ASAP2: variants seen among roughly 807,000 people sequenced by gnomAD.
ASAP2 encodes the protein ArfGAP with SH3 domain, ankyrin repeat and PH domain 2, also known as arf-GAP with SH3 domain, ANK repeat and PH domain-containing protein 2.
Under a neutral mutation model 131.4 loss-of-function variants are expected in ASAP2, and 45 were observed. That is an observed-to-expected ratio of 0.34 (90% CI 0.27 to 0.44). The LOEUF (loss-of-function observed/expected upper bound fraction) is 0.44, where lower values mean the gene tolerates loss of function less well. ASAP2 is among the 20% of genes least tolerant of loss of function. ASAP2 has a pLI of 1.00. For missense variants in ASAP2, 1,011 were observed against 1,297.0 expected, an observed-to-expected ratio of 0.78 and a Z score of 3.39; for synonymous variants, 510 against 503.0, an observed-to-expected ratio of 1.01 and a Z score of -0.19.
intron 2 of ASAP2, among the ~76,000 whole-genome samples, chr2:9,291,274 C>A (rs1667788307): frequency 6.6e-6 from 1 of 152,148 alleles, no homozygotes. Context: ...AAGAATGATA[C>A]ACATTAGTAA....
At chr2:9,246,035 T>A (rs1664313321) in intron 1 of ASAP2, among the ~76,000 whole-genome samples, 1 of 152,176 alleles carries the variant, frequency 6.6e-6, no homozygotes, top group Admixed American at 6.5e-5. Context: ...GAGGGTGGTG[T>A]GACCCCGTTG....
At chr2:9,273,837 C>T (rs1397060348) in intron 1 of ASAP2, among the ~76,000 whole-genome samples, 1 of 152,184 alleles carries the variant, frequency 6.6e-6, no homozygotes, top group Non-Finnish European at 1.5e-5. Flanking sequence ...GTTATGCAGC[C>T]TCCAGCTGCA....
chr2:9,381,915 A>G (rs1239303457), intron 20 of ASAP2, among the ~76,000 whole-genome samples: 2 of 151,902 alleles, frequency 1.3e-5, no homozygotes, highest in Non-Finnish European at 2.9e-5. Flanking sequence ...AATAAATGCT[A>G]TACAAGTGTA....
At chr2:9,324,921 AC>A (rs1670385391) in intron 6 of ASAP2, among the ~76,000 whole-genome samples, 1 of 152,182 alleles carries the variant, frequency 6.6e-6, no homozygotes, top group South Asian at 2.1e-4. Context: ...GTTGAATGTT[AC>A]TATTGATATG....
chr2:9,308,941 C>T (rs1416589279), intron 3 of ASAP2, among the ~76,000 whole-genome samples: 3 of 152,176 alleles, frequency 2.0e-5, no homozygotes, highest in Admixed American at 1.3e-4. Flanking sequence ...CCTGGATACC[C>T]GTTCTTTCAG....
At chr2:9,289,988 C>CTGG (rs1667710217) in intron 2 of ASAP2, among the ~76,000 whole-genome samples, 1 of 129,652 alleles carries the variant, frequency 7.7e-6, no homozygotes, top group African/African-American at 2.9e-5. Flanking sequence ...CAGGAAGAAG[C>CTGG]CGGTGAGAGG....
At chr2:9,333,172 A>G (rs1670954017) in intron 7 of ASAP2, among the ~76,000 whole-genome samples, 1 of 152,234 alleles carries the variant, frequency 6.6e-6, no homozygotes. Context: ...TGAAACCCAG[A>G]TCACTTTTTA....
At chr2:9,328,954 AGTTTTTT>A (rs1330611278) in intron 7 of ASAP2, among the ~76,000 whole-genome samples, 3 of 152,216 alleles carry the variant, frequency 2.0e-5, no homozygotes, top group Non-Finnish European at 4.4e-5. Context: ...TTTAGGGTAG[AGTTTTTT>A]GTTTTTTGTT....
chr2:9,318,561 A>G lies in ASAP2; in HGVS notation c.383A>G (p.Asp128Gly). The G allele has an allele frequency of 6.2e-7, 1 of 1,613,444 alleles. No individual in the cohort carries two copies. Among genetic ancestry groups the G allele is most frequent in the Non-Finnish European group, 8.5e-7 (1 of 1,179,714 alleles). Residue 128 changes from aspartate (D) to glycine (G), a missense_variant, in exon 4 of 28, where the codon GAC becomes GGC. Physicochemically the swap from Asp to Gly is moderately conservative, Grantham distance 94. Transcript: ENST00000281419. Reference protein sequence around the residue: ...NMNNIISFPLDSLLKGDLKGV... With the variant: ...NMNNIISFPLGSLLKGDLKGV... Reference sequence around the variant, plus strand: ...AACAACATAATCTCCTTCCCTTTGGACAGTTTGCTGAAGGGGGACCTGAAA... The same window carrying G: ...AACAACATAATCTCCTTCCCTTTGGGCAGTTTGCTGAAGGGGGACCTGAAA...
intron 24 of ASAP2, among the ~76,000 whole-genome samples, chr2:9,397,868 C>T (rs1364304875): frequency 3.4e-5 from 5 of 146,848 alleles, no homozygotes; most frequent in African/African-American, 1.3e-4. Flanking sequence ...ACGCCATTCT[C>T]CTGCCTCAGC....
chr2:9,355,908 G>T, intron 12 of ASAP2, 139 bp from the exon 13 acceptor site: 1 of 1,005,858 alleles, frequency 9.9e-7, no homozygotes. Flanking sequence ...ATATGAGGGA[G>T]TGCCTGATTT....
chr2:9,240,629 A>G (rs898166140), intron 1 of ASAP2, among the ~76,000 whole-genome samples: 2 of 152,288 alleles, frequency 1.3e-5, no homozygotes, highest in African/African-American at 2.4e-5. Context: ...TGAGATGTGA[A>G]GGCAAAGCTA....
chr2:9,267,706 GC>G (rs1452745840), intron 1 of ASAP2, among the ~76,000 whole-genome samples: 1 of 151,908 alleles, frequency 6.6e-6, no homozygotes, highest in African/African-American at 2.4e-5. Context: ...AGACCAACCT[GC>G]CTAACATGGT....
chr2:9,390,614 C>T (rs541354954), intron 22 of ASAP2, among the ~76,000 whole-genome samples: 5 of 152,292 alleles, frequency 3.3e-5, no homozygotes, highest in African/African-American at 1.2e-4. Flanking sequence ...GCACTCTGCC[C>T]CCAACCTGTG....
At chr2:9,305,653 T>G (rs1234214641) in intron 3 of ASAP2, among the ~76,000 whole-genome samples, 2 of 140,460 alleles carry the variant, frequency 1.4e-5, no homozygotes, top group African/African-American at 5.4e-5. Flanking sequence ...GGTATACATA[T>G]TGGTGGAGGG....
chr2:9,249,770 C>T (rs1014165288), intron 1 of ASAP2, among the ~76,000 whole-genome samples: 1 of 149,210 alleles, frequency 6.7e-6, no homozygotes, highest in Non-Finnish European at 1.5e-5. Context: ...CACTGCCACC[C>T]CCAGAGGAGG....
rs1663449403 is a variant in ASAP2 at position 9,235,087 on chromosome 2, TTTCA to T, written c.126+27858_126+27861del. ...GAGCTGAATTTCTCCAAGTGCCGTG[TTTCA>T]CTGTCCCCGCCCGACATATGCCAAC... On this transcript the variant is annotated intron_variant, in intron 1 of 27. Transcript: ENST00000281419. Among the ~76,000 whole-genome samples the T allele has an allele frequency of 5.9e-5, 9 of 152,274 alleles. No individual in the cohort carries two copies. The South Asian group carries it at 1.9e-3, about 32-fold the overall frequency.
chr2:9,279,635 G>A (rs573835501), intron 2 of ASAP2, among the ~76,000 whole-genome samples: 4 of 152,268 alleles, frequency 2.6e-5, no homozygotes, highest in South Asian at 2.1e-4. Context: ...TCTGTCCCAC[G>A]TTGCACTTCC....
rs1232536883 is a variant in ASAP2, at chr2:9,207,283, C to G, written c.126+53C>G. 2 of 1,468,270 alleles carry G rather than the reference C, an allele frequency of 1.4e-6. No individual in the cohort carries two copies. Among genetic ancestry groups the G allele is most frequent in the Non-Finnish European group, 1.8e-6 (2 of 1,114,592 alleles). 91.0% of individuals were successfully genotyped at this position (1,468,270 alleles called of 1,614,324 possible). A position where few individuals can be genotyped will look rare whatever the true frequency, so the allele number is the denominator to read the frequency against. On this transcript the variant is annotated intron_variant, in intron 1 of 27. Transcript: ENST00000281419. This position sits in a 1 kb window ranked among gnomAD's most constrained non-coding sequence, Gnocchi z 4.1. ...CCGCAGGTATCCCGCGCCCCAGCCC[C>G]GCCCGCCGCTCCCGCATCCGCATCC...
Sources: allele counts gnomAD v4.1 joint callset (sites outside exome capture counted in the v4.1 genomes callset), GRCh38; gene constraint gnomAD v4.1.1; non-coding constraint Gnocchi (gnomAD v3.1); transcripts MANE v1.5; gene names NCBI Gene and HGNC (gene_info 2026-07-23, HGNC 2026-07-21).